VPS13A: variants seen among roughly 807,000 people sequenced by gnomAD.
VPS13A encodes vacuolar protein sorting 13 homolog A, also known as intermembrane lipid transfer protein VPS13A.
VPS13A carries 264 observed loss-of-function variants against 390.9 expected under a neutral mutation model. The ratio of observed to expected loss-of-function variants is 0.68; its 90% CI spans 0.61 to 0.75. VPS13A has a LOEUF of 0.75. Among genes scored for constraint, VPS13A ranks in the 30% least tolerant of loss-of-function variants. VPS13A has a pLI of 0.00. For synonymous variants in VPS13A, 1,231 were observed against 1,227.1 expected, an observed-to-expected ratio of 1.00 and a Z score of -0.07; for missense variants, 3,409 against 3,733.9, an observed-to-expected ratio of 0.91 and a Z score of 2.27.
rs1220389210 is a variant in VPS13A at position 77,371,085 on chromosome 9, G to A, written c.9013G>A (p.Ala3005Thr). The part of the protein sequence containing the change: ...FKGVGKGLVG[A>T]VARPTGGIID... ...AGGTGTTGGGAAAGGTTTAGTAGGA[G>A]CGGTAGCAAGGCCAACTGGAGGCAT... The change falls in exon 67 of 72, where the codon GCG (alanine) becomes ACG (threonine). Residue 3005 changes from alanine to threonine, a missense_variant. This residue lies in a region of VPS13A where 318 missense variants were observed against 333.7 expected (regional missense o/e 0.95). Transcript: ENST00000360280. The A allele has an allele frequency of 1.9e-6, 3 of 1,614,018 alleles. No homozygotes were observed. The highest frequency in any genetic ancestry group is 2.5e-6 in the Non-Finnish European group (3 of 1,180,010).
At chr9:77,385,245 T>C (rs1313006786) in intron 68 of VPS13A, 9 of 790,760 alleles carry the variant, frequency 1.1e-5, no homozygotes, top group African/African-American at 1.9e-5. Flanking sequence ...ACTGCTATTA[T>C]AAAAAACAGT....
Position 77,309,794 on chromosome 9 carries a change from A to G in VPS13A, c.4114+1696A>G, listed in dbSNP as rs560823847. 9.5e-4 allele frequency among the ~76,000 whole-genome samples: 145 copies of G among 152,236 alleles called. 1 individual carries two copies. Among genetic ancestry groups the G allele is most frequent in the African/African-American group, 3.0e-3 (126 of 41,542 alleles). ...ATAATGAATCTACTGAGTTTCCAGC[A>G]GATTGGGTAAACTAAGATTCCACAT... On this transcript the variant is annotated intron_variant, in intron 35 of 71. Coordinates refer to ENST00000360280, the MANE Select transcript of VPS13A (RefSeq NM_033305.3).
chr9:77,400,185 T>G (rs1834310375), intron 68 of VPS13A, among the ~76,000 whole-genome samples: 1 of 151,264 alleles, frequency 6.6e-6, no homozygotes, highest in African/African-American at 2.4e-5. Context: ...TTCCTAATTT[T>G]GAGTTATAGT....
At chr9:77,231,909 A>G (rs886446832) in intron 17 of VPS13A, among the ~76,000 whole-genome samples, 2 of 152,090 alleles carry the variant, frequency 1.3e-5, no homozygotes, top group Admixed American at 6.6e-5. Flanking sequence ...TATGACCTGT[A>G]TTGAGTTAAT....
chr9:77,208,406 A>G (rs574543398), intron 5 of VPS13A, among the ~76,000 whole-genome samples: 57 of 152,292 alleles, frequency 3.7e-4, no homozygotes, highest in Non-Finnish European at 7.3e-4. Flanking sequence ...TAGGAGTAGA[A>G]ATATGAAAAG....
chr9:77,368,290 A>G lies in VPS13A; in HGVS notation c.8553+154A>G, dbSNP rs10491841. ...ATTTTCCTCAGAATTATAAAAAGAA[A>G]TTAAGCTCAATCACTATTTGAATTT... is the stretch of plus-strand genomic sequence containing the variant. On this transcript the variant is annotated intron_variant, in intron 62 of 71. Transcript: ENST00000360280. 0.34 allele frequency among the ~76,000 whole-genome samples: 52,111 copies of G among 152,140 alleles called. 9,085 individuals are homozygous for G. Among genetic ancestry groups the G allele is most frequent in the Admixed American group, 0.42 (6,462 of 15,278 alleles).
intron 23 of VPS13A, among the ~76,000 whole-genome samples, chr9:77,270,644 T>C (rs1389065709): frequency 6.6e-6 from 1 of 152,090 alleles, no homozygotes; most frequent in East Asian, 1.9e-4. Context: ...TGAGCCGAGA[T>C]TGTGCCACTA....
chr9:77,227,355 A>G, intron 15 of VPS13A, 36 bp from the exon 16 acceptor site: 1 of 1,439,584 alleles, frequency 6.9e-7, no homozygotes, highest in Non-Finnish European at 9.7e-7. Flanking sequence ...TATTGTTTTT[A>G]TTTAAGAACA....
At position 77,273,378 on chromosome 9, in the gene VPS13A, G is replaced by A; in HGVS notation, c.2512+14G>A. The A allele has an allele frequency of 1.9e-6, 3 of 1,577,916 alleles. No individual in the cohort carries two copies. Among genetic ancestry groups the A allele is most frequent in the Non-Finnish European group, 2.6e-6 (3 of 1,156,200 alleles). The stretch of plus-strand genomic sequence containing the variant: ...TTTCTGAAGATGGTAAAATGAAACT[G>A]CTTAAGGATATTTTTCTTATTTTAT... On this transcript the variant is annotated intron_variant, in intron 24 of 71. Coordinates refer to ENST00000360280, the MANE Select transcript of VPS13A (RefSeq NM_033305.3).
intron 68 of VPS13A, chr9:77,384,549 C>A (rs1401245618): frequency 6.2e-7 from 1 of 1,610,584 alleles, no homozygotes; most frequent in East Asian, 2.2e-5. Context: ...ACTCTACTAA[C>A]CTTTGTGCTT....
At chr9:77,370,370 G>C (rs1430776781) in intron 64 of VPS13A, 38 bp downstream of exon 64, 2 of 1,614,120 alleles carry the variant, frequency 1.2e-6, no homozygotes, top group Non-Finnish European at 8.5e-7. Context: ...TTTTGTGCTA[G>C]AAAGTAATGG....
intron 33 of VPS13A, among the ~76,000 whole-genome samples, chr9:77,296,387 A>G (rs1290845217): frequency 6.6e-6 from 1 of 152,096 alleles, no homozygotes; most frequent in Non-Finnish European, 1.5e-5. Flanking sequence ...TGCTATTTCT[A>G]ATTGCCCATT....
chr9:77,285,951 A>G (rs1232704806), intron 31 of VPS13A, among the ~76,000 whole-genome samples: 1 of 152,094 alleles, frequency 6.6e-6, no homozygotes, highest in Admixed American at 6.5e-5. Context: ...CTTGCTGATT[A>G]TGTTTTCATG....
intron 67 of VPS13A, 74 bp downstream of exon 67, chr9:77,371,223 C>CT: frequency 6.3e-7 from 1 of 1,595,590 alleles, no homozygotes; most frequent in Non-Finnish European, 8.6e-7. Context: ...TGCTCTTTGG[C>CT]TTCAGGCATT....
At chr9:77,274,011 A>C (rs1826496961) in intron 24 of VPS13A, among the ~76,000 whole-genome samples, 1 of 152,202 alleles carries the variant, frequency 6.6e-6, no homozygotes, top group South Asian at 2.1e-4. Context: ...TCATATAAGA[A>C]ATTTAAGGCA....
In VPS13A at chr9:77,321,840, T is replaced by TTTTTTG. The variant is rs200975587; in HGVS notation, c.5830+112_5830+117dup. ...TCTTTTGTAGAATCTTAGCAAGGTT[T>TTTTTTG]TTTTTGTTTTTGTTTTTGTTTTTTT... On this transcript the variant is annotated intron_variant, in intron 44 of 71. Transcript: ENST00000360280. 16 of 1,483,130 alleles carry TTTTTTG rather than the reference T, an allele frequency of 1.1e-5. 1 individual carries two copies. The South Asian group carries it at 1.4e-4, about 13-fold the overall frequency. 91.9% of individuals were successfully genotyped at this position (1,483,130 alleles called of 1,614,324 possible). A position where few individuals can be genotyped will look rare whatever the true frequency, so the allele number is the denominator to read the frequency against.
chr9:77,314,457 G>T, intron 36 of VPS13A, 38 bp from the exon 37 acceptor site: 1 of 1,588,622 alleles, frequency 6.3e-7, no homozygotes, highest in Non-Finnish European at 8.6e-7. Context: ...TTAGACTTGT[G>T]TTTCTTTGTA....
At chr9:77,381,889 A>G (rs558872717) in intron 67 of VPS13A, 87 bp from the exon 68 acceptor site, 21 of 832,886 alleles carry the variant, frequency 2.5e-5, no homozygotes, top group African/African-American at 3.5e-5. Flanking sequence ...AATCTGAAAT[A>G]AGATTGTTTT....
chr9:77,344,983 A>C (rs751639509), intron 51 of VPS13A, 26 bp from the exon 52 acceptor site: 139 of 1,606,174 alleles, frequency 8.7e-5, no homozygotes, highest in Non-Finnish European at 1.1e-4. Context: ...GATTACATTA[A>C]AATGTTTTCT....
Sources: gnomAD v4.1 joint callset for allele counts (sites outside exome capture counted in the v4.1 genomes callset) on GRCh38, gnomAD v4.1.1 for gene constraint, gnomAD v4.1.1 regional missense constraint, MANE v1.5 for transcripts, NCBI Gene and HGNC (gene_info 2026-07-23, HGNC 2026-07-21) for gene names.